Variants in CUX1 observed in about 807,000 individuals in gnomAD.
CUX1 encodes the protein cut like homeobox 1, also known as protein CASP.
In CUX1, 31 loss-of-function variants were observed where a neutral mutation model predicts 158.8. That is an observed-to-expected ratio of 0.20 (90% CI 0.15 to 0.26). The LOEUF is 0.26. Ranked by LOEUF, CUX1 falls within the 10% of genes least tolerant of loss-of-function variation. The pLI is 1.00. For synonymous variants in CUX1, 879 were observed against 862.1 expected (o/e 1.02, Z -0.34); for missense variants, 1,589 against 2,014.6 (o/e 0.79, Z 4.04).
intron 2 of CUX1, among the ~76,000 whole-genome samples, chr7:101,989,956 A>G (rs1814887438): frequency 6.6e-6 from 1 of 152,228 alleles, no homozygotes; most frequent in Non-Finnish European, 1.5e-5. Flanking sequence ...ACCACTTTAA[A>G]TGAATTGATA....
intron 2 of CUX1, among the ~76,000 whole-genome samples, chr7:102,004,325 C>G (rs1186282134): frequency 6.6e-6 from 1 of 152,144 alleles, no homozygotes; most frequent in Non-Finnish European, 1.5e-5. Context: ...GGAAAGTGAC[C>G]TAGAATGAAG....
chr7:102,009,803 T>G (rs1245110252), intron 2 of CUX1, among the ~76,000 whole-genome samples: 1 of 152,238 alleles, frequency 6.6e-6, no homozygotes, highest in Non-Finnish European at 1.5e-5. Context: ...TTAAACCTCC[T>G]CAGTTGGGTA....
rs782801030 is a variant in CUX1 at position 102,178,528 on chromosome 7, G to A, written c.888G>A (p.Glu296=). ...TAGAAGTTGAGTTGGCCGCCAAGGA[G>A]CGGGAGATCGCACAGCTGGTGGAGG... ...SSLEVELAAK[E]REIAQLVEDV... Residue 296 remains glutamate (E), a synonymous_variant, in exon 11 of 24, where the codon GAG becomes GAA. Coordinates refer to ENST00000292535, the MANE Select transcript of CUX1 (RefSeq NM_181552.4). The A allele has an allele frequency of 1.2e-6, 2 of 1,613,636 alleles. No homozygotes were observed. Among genetic ancestry groups the A allele is most frequent in the South Asian group, 1.1e-5 (1 of 90,990 alleles).
intron 1 of CUX1, among the ~76,000 whole-genome samples, chr7:101,836,698 A>AT (rs1794673181): frequency 6.6e-6 from 1 of 151,310 alleles, no homozygotes; most frequent in Admixed American, 6.6e-5. Flanking sequence ...AAAAAAAAAA[A>AT]AAAAAAAAGA....
At chr7:102,172,282 G>A (rs1298416917) in intron 10 of CUX1, among the ~76,000 whole-genome samples, 1 of 151,882 alleles carries the variant, frequency 6.6e-6, no homozygotes, top group African/African-American at 2.4e-5. Context: ...TGTAGAGATG[G>A]GGTTTTGCCA....
intron 20 of CUX1, among the ~76,000 whole-genome samples, chr7:102,225,603 C>T (rs1798266915): frequency 3.3e-5 from 5 of 152,150 alleles, no homozygotes; most frequent in Admixed American, 3.3e-4. Flanking sequence ...GTGGCTCCTG[C>T]CTGTAAACCC....
At chr7:102,031,590 CA>C (rs1820789798) in intron 3 of CUX1, among the ~76,000 whole-genome samples, 2 of 151,916 alleles carry the variant, frequency 1.3e-5, no homozygotes, top group Non-Finnish European at 2.9e-5. Context: ...TTTGAACCCA[CA>C]AAAGAAAGGT....
chr7:101,834,165 CTTTTTTTTTTTTTTTT>C (rs575992276), intron 1 of CUX1, among the ~76,000 whole-genome samples: 1 of 71,092 alleles, frequency 1.4e-5, no homozygotes, highest in Non-Finnish European at 2.8e-5. Context: ...CTGATTGTTT[CTTTTTTTTTTTTTTTT>C]TTTTTTTTTT....
rs541091238 is a variant in CUX1, at chr7:101,881,109, G to A, written c.31-35006G>A. Among the ~76,000 whole-genome samples, 6 of 152,150 alleles carry A rather than the reference G, an allele frequency of 3.9e-5. No individual in the cohort carries two copies. The East Asian group carries it at 7.7e-4, about 20-fold the overall frequency. On this transcript the variant is annotated intron_variant, in intron 1 of 23. Coordinates refer to ENST00000292535, the MANE Select transcript of CUX1 (RefSeq NM_181552.4). The stretch of plus-strand genomic sequence containing the variant: ...AACAATTCTTTTGAAACATCAGTAG[G>A]GAAGAAAGAAAAAAAAAGGCAGCTT...
chr7:102,121,958 C>G (rs897220588), intron 8 of CUX1, among the ~76,000 whole-genome samples: 3 of 152,084 alleles, frequency 2.0e-5, no homozygotes, highest in Admixed American at 6.6e-5. Flanking sequence ...CCTCACAAGC[C>G]CCCGTTGTAT....
chr7:101,862,493 A>G (rs1584797697), intron 1 of CUX1, among the ~76,000 whole-genome samples: 1 of 152,102 alleles, frequency 6.6e-6, no homozygotes, highest in East Asian at 1.9e-4. Flanking sequence ...GATCCTTTCC[A>G]TAAGTCCCCA....
intron 18 of CUX1, among the ~76,000 whole-genome samples, chr7:102,202,770 C>A (rs1447689130): frequency 7.2e-5 from 11 of 152,168 alleles, no homozygotes; most frequent in Admixed American, 6.5e-4. Context: ...TGCCCGGGGA[C>A]ACACAGCTTG....
At chr7:102,275,452 C>A in intron 17 of CUX1, 2 of 1,018,898 alleles carry the variant, frequency 2.0e-6, no homozygotes, top group Non-Finnish European at 2.9e-6. Context: ...TGGCACAGAC[C>A]GTAAACCTCA....
chr7:102,149,617 C>G (rs1296763441), intron 8 of CUX1, among the ~76,000 whole-genome samples: 3 of 152,212 alleles, frequency 2.0e-5, no homozygotes, highest in African/African-American at 7.2e-5. Flanking sequence ...GGGCCCATCG[C>G]CATCAGGGCA....
intron 2 of CUX1, among the ~76,000 whole-genome samples, chr7:101,923,944 C>T (rs901784597): frequency 6.6e-6 from 1 of 152,210 alleles, no homozygotes; most frequent in Non-Finnish European, 1.5e-5. Flanking sequence ...TCTGTGTTCC[C>T]GGGTAGCAGT....
chr7:102,150,360 TA>T (rs1835503408), intron 8 of CUX1, among the ~76,000 whole-genome samples: 1 of 152,224 alleles, frequency 6.6e-6, no homozygotes, highest in African/African-American at 2.4e-5. Context: ...TTCATCATGT[TA>T]GCCAGGCTGG....
At chr7:102,281,980 G>C in intron 21 of CUX1, 1 of 1,192,892 alleles carries the variant, frequency 8.4e-7, no homozygotes, top group African/African-American at 1.5e-5. Context: ...TGACCTCCAG[G>C]GCAGCAGGGG....
intron 3 of CUX1, among the ~76,000 whole-genome samples, chr7:102,063,965 A>G (rs757554958): frequency 2.6e-5 from 4 of 152,116 alleles, no homozygotes; most frequent in Admixed American, 6.6e-5. Flanking sequence ...CGGCTGGGAG[A>G]TGGAGCTGCT....
downstream of CUX1, among the ~76,000 whole-genome samples, chr7:102,259,131 T>A (rs1171558493): frequency 6.6e-6 from 1 of 152,192 alleles, no homozygotes; most frequent in African/African-American, 2.4e-5. Flanking sequence ...TCAACTGGAT[T>A]CAATCCTCCC....
Sources: gnomAD v4.1 joint callset for allele counts (sites outside exome capture counted in the v4.1 genomes callset) on GRCh38, gnomAD v4.1.1 for gene constraint, MANE v1.5 for transcripts, NCBI Gene and HGNC (gene_info 2026-07-23, HGNC 2026-07-21) for gene names.